The following CHLSN variants were observed in gnomAD, a reference collection of about 807,000 sequenced individuals.
The protein encoded by CHLSN is protein cholesin.
At chr7:1,016,111 GCACAGCAGCA>G in the CHLSN span, among the ~76,000 whole-genome samples, 1,523 of 55,742 alleles carry the variant, frequency 0.027, 210 homozygotes, top group Non-Finnish European at 0.036. Flanking sequence ...ACACAGCAGC[GCACAGCAGCA>G]CACAGCAGCA....
At chr7:1,032,980 C>T in the CHLSN span, among the ~76,000 whole-genome samples, 1 of 152,202 alleles carries the variant, frequency 6.6e-6, no homozygotes, top group Non-Finnish European at 1.5e-5. Flanking sequence ...GAGGGCCTCT[C>T]CTCTGTGCAC....
the CHLSN span, chr7:1,093,541 C>A: frequency 2.1e-5 from 10 of 471,046 alleles, no homozygotes; most frequent in African/African-American, 1.6e-4. Flanking sequence ...GAGCGCCCGC[C>A]GTCTGCTCCG....
At chr7:998,975 T>C in the CHLSN span, among the ~76,000 whole-genome samples, 1 of 152,212 alleles carries the variant, frequency 6.6e-6, no homozygotes, top group Non-Finnish European at 1.5e-5. Flanking sequence ...AGTATCGGCA[T>C]GTTCGTAAAT....
At chr7:1,016,939 C>CCAGCACACGCCAGCGCACAG in the CHLSN span, among the ~76,000 whole-genome samples, 3 of 58,888 alleles carry the variant, frequency 5.1e-5, no homozygotes, top group Admixed American at 2.0e-4. Context: ...GCAGCACACG[C>CCAGCACACGCCAGCGCACAG]CAGCACACGC....
chr7:1,111,799 C>CA, the CHLSN span, among the ~76,000 whole-genome samples: 5,011 of 142,374 alleles, frequency 0.035, 267 homozygotes, highest in African/African-American at 0.12. Flanking sequence ...GAGACCCTCT[C>CA]AAAAAAAAAA....
chr7:1,134,278 A>T, the CHLSN span, among the ~76,000 whole-genome samples: 17 of 151,762 alleles, frequency 1.1e-4, no homozygotes, highest in African/African-American at 4.1e-4. Flanking sequence ...GTCTCTTAAA[A>T]GGGTGGGGGG....
chr7:1,075,470 G>A, the CHLSN span, among the ~76,000 whole-genome samples: 1 of 151,400 alleles, frequency 6.6e-6, no homozygotes, highest in South Asian at 2.1e-4. Context: ...GTTGCAGTGA[G>A]CCGAGATCGC....
At chr7:1,001,374 T>C in the CHLSN span, among the ~76,000 whole-genome samples, 6 of 148,110 alleles carry the variant, frequency 4.1e-5, no homozygotes, top group South Asian at 2.2e-4. Context: ...GGGAGTCCTG[T>C]GGGTGAGTGG....
At chr7:1,131,225 A>C in the CHLSN span, among the ~76,000 whole-genome samples, 1 of 149,280 alleles carries the variant, frequency 6.7e-6, no homozygotes, top group African/African-American at 2.4e-5. Flanking sequence ...AGAGTAAAGC[A>C]GGATAGGTTA....
chr7:987,944 CCTGTGTGTCCTGGGGGTCCCCT>C, the CHLSN span, among the ~76,000 whole-genome samples: 2 of 125,312 alleles, frequency 1.6e-5, no homozygotes, highest in Non-Finnish European at 1.6e-5. Flanking sequence ...GGGGGGGTCC[CCTGTGTGTCCTGGGGGTCCCCT>C]CTGTGTGTCC....
At chr7:1,086,285 T>C in the CHLSN span, among the ~76,000 whole-genome samples, 1 of 152,234 alleles carries the variant, frequency 6.6e-6, no homozygotes, top group East Asian at 1.9e-4. Flanking sequence ...ATTTTTATTT[T>C]ACTTATTTTT....
the CHLSN span, chr7:984,647 C>T: frequency 6.7e-7 from 1 of 1,498,874 alleles, no homozygotes; most frequent in Non-Finnish European, 8.9e-7. Flanking sequence ...GTGGGGGCTC[C>T]AGCAGCGGGA....
At chr7:1,127,359 A>T in the CHLSN span, 1 of 1,608,066 alleles carries the variant, frequency 6.2e-7, no homozygotes, top group Non-Finnish European at 8.5e-7. Flanking sequence ...CTGTCACTTC[A>T]GGAACTTTTC....
the CHLSN span, among the ~76,000 whole-genome samples, chr7:1,095,212 T>C: frequency 6.6e-6 from 1 of 152,002 alleles, no homozygotes; most frequent in Non-Finnish European, 1.5e-5. Flanking sequence ...GGGACGAGAC[T>C]TGCCCTCCTC....
chr7:1,118,706 A>G, the CHLSN span, among the ~76,000 whole-genome samples: 2 of 150,750 alleles, frequency 1.3e-5, no homozygotes, highest in Admixed American at 1.3e-4. Context: ...CACGCCTGTA[A>G]TATCAGGACT....
At chr7:1,017,343 G>A in the CHLSN span, among the ~76,000 whole-genome samples, 3 of 152,044 alleles carry the variant, frequency 2.0e-5, no homozygotes, top group African/African-American at 7.2e-5. Flanking sequence ...TGAAGGGGCT[G>A]CAGGGAAGGA....
the CHLSN span, among the ~76,000 whole-genome samples, chr7:995,230 G>A: frequency 1.2e-4 from 18 of 152,320 alleles, no homozygotes; most frequent in East Asian, 1.5e-3. Context: ...AGGGCATTGC[G>A]TGGTTCTCTG....
chr7:1,135,354 G>C, the CHLSN span, among the ~76,000 whole-genome samples: 9 of 151,466 alleles, frequency 5.9e-5, no homozygotes, highest in Non-Finnish European at 5.9e-5. Context: ...TATACATATA[G>C]TTATATATAT....
chr7:1,043,792 G>A, the CHLSN span: 22 of 152,432 alleles, frequency 1.4e-4, no homozygotes, highest in African/African-American at 5.0e-4. Flanking sequence ...TCATGCAGCG[G>A]AGGGCCAGTG....
Sources: allele counts gnomAD v4.1 joint callset (sites outside exome capture counted in the v4.1 genomes callset), GRCh38; gene constraint gnomAD v4.1.1; transcripts MANE v1.5; gene names NCBI Gene and HGNC (gene_info 2026-07-23, HGNC 2026-07-21).